Variants in AGFG1 observed in about 807,000 individuals in gnomAD.
AGFG1 encodes the protein arf-GAP domain and FG repeat-containing protein 1.
A neutral mutation model predicts 60.6 loss-of-function variants in AGFG1; 10 were observed. The observed-to-expected ratio is 0.16, with a 90% CI of 0.10 to 0.28. AGFG1 has a LOEUF of 0.28. Among genes scored for constraint, AGFG1 ranks in the 10% least tolerant of loss-of-function variants. The probability of loss-of-function intolerance (pLI) is 1.00; values close to 1 mark genes in which losing one functional copy is unlikely to be tolerated. For synonymous variants in AGFG1, 247 were observed against 242.9 expected (o/e 1.02, Z -0.16); for missense variants, 537 against 676.5 (o/e 0.79, Z 2.29).
At chr2:227,510,280 C>A (rs1336518416) in intron 2 of AGFG1, among the ~76,000 whole-genome samples, 8 of 151,986 alleles carry the variant, frequency 5.3e-5, no homozygotes, top group Non-Finnish European at 8.8e-5. Context: ...GCACACACAT[C>A]CACACCCCTG....
rs11904818 is a variant in AGFG1, at chr2:227,529,342, A to T, written c.695-1749A>T. 3.6e-3 allele frequency among the ~76,000 whole-genome samples: 553 copies of T among 152,080 alleles called. 1 individual carries two copies. The highest frequency in any genetic ancestry group is 0.012 in the African/African-American group (516 of 41,484). ...TCATCCTGATATTCTTGTTAATTTT[A>T]AAAAAAATTAGGTGAAAATTTTATC... is the stretch of plus-strand genomic sequence containing the variant. On this transcript the variant is annotated intron_variant, in intron 5 of 12. Transcript: ENST00000310078.
intron 2 of AGFG1, among the ~76,000 whole-genome samples, chr2:227,515,489 A>G (rs553620026): frequency 6.3e-4 from 96 of 152,148 alleles, no homozygotes; most frequent in African/African-American, 2.0e-3. Flanking sequence ...CAGCATCTCT[A>G]TTCCTTCATT....
intron 2 of AGFG1, among the ~76,000 whole-genome samples, chr2:227,514,485 C>T (rs1345055935): frequency 6.6e-6 from 1 of 152,090 alleles, no homozygotes; most frequent in Non-Finnish European, 1.5e-5. Context: ...TGAGCCACTG[C>T]ACCTGGCCAA....
At chr2:227,483,878 G>A (rs1340238965) in intron 1 of AGFG1, among the ~76,000 whole-genome samples, 1 of 151,934 alleles carries the variant, frequency 6.6e-6, no homozygotes, top group African/African-American at 2.4e-5. Flanking sequence ...AGTTTTTTTG[G>A]TTTTGTTTTG....
At chr2:227,529,893 T>A (rs76109197) in intron 5 of AGFG1, among the ~76,000 whole-genome samples, 1 of 151,998 alleles carries the variant, frequency 6.6e-6, no homozygotes, top group South Asian at 2.1e-4. Context: ...TTTTTTTTTT[T>A]AATAAGAGAA....
intron 1 of AGFG1, among the ~76,000 whole-genome samples, chr2:227,475,485 G>A (rs1009810125): frequency 6.6e-6 from 1 of 152,138 alleles, no homozygotes; most frequent in Admixed American, 6.5e-5. Flanking sequence ...AACGTTGGAG[G>A]GACAATAGCT....
In AGFG1 at chr2:227,490,577, C is replaced by CAA. The variant is rs11448281; in HGVS notation, c.168-954_168-953dup. Among the ~76,000 whole-genome samples the CAA allele has an allele frequency of 6.1e-3, 796 of 129,858 alleles. 5 individuals carry two copies. The highest frequency in any genetic ancestry group is 0.012 in the Admixed American group (156 of 13,238). The allele number at this position is 129,858 out of a possible 152,430, so 85.2% of individuals were successfully genotyped here. On this transcript the variant is annotated intron_variant, in intron 1 of 12. Transcript: ENST00000310078. Reference sequence around the variant, plus strand: ...TGGGCGACAGAGCGAGACTCCGTCTCAAAAAAAAAAAAAAAAATTACTGCA... The same window carrying CAA: ...TGGGCGACAGAGCGAGACTCCGTCTCAAAAAAAAAAAAAAAAAAATTACTGCA...
At chr2:227,473,545 C>T (rs780295965) in intron 1 of AGFG1, among the ~76,000 whole-genome samples, 54 of 152,142 alleles carry the variant, frequency 3.5e-4, no homozygotes, top group Non-Finnish European at 6.5e-4. Context: ...TTGTTCTTTG[C>T]TTCATTAAGC....
At position 227,517,147 on chromosome 2, in the gene AGFG1, A is replaced by G. The variant is rs74940135; in HGVS notation, c.262-2801A>G. Among the ~76,000 whole-genome samples the G allele has an allele frequency of 9.5e-4, 144 of 152,318 alleles. 1 individual carries two copies. The East Asian group carries it at 0.022, about 23-fold the overall frequency. ...ATGTCTGTACTTCTCAGGCGTTGCC[A>G]GTGAAATGTTTTCATAATGGATTGT... On this transcript the variant is annotated intron_variant, in intron 2 of 12. Coordinates refer to ENST00000310078, the MANE Select transcript of AGFG1 (RefSeq NM_004504.5).
intron 10 of AGFG1, among the ~76,000 whole-genome samples, chr2:227,548,895 C>A (rs1042723655): frequency 6.6e-6 from 1 of 152,182 alleles, no homozygotes; most frequent in African/African-American, 2.4e-5. Flanking sequence ...CGAGATCACA[C>A]CACTGCACTC....
intron 10 of AGFG1, chr2:227,550,209 T>C: frequency 3.3e-6 from 1 of 300,554 alleles, no homozygotes; most frequent in South Asian, 2.9e-5. Context: ...AATTAAGTTT[T>C]TTTCCATGTT....
At chr2:227,549,723 T>C (rs953593225) in intron 10 of AGFG1, among the ~76,000 whole-genome samples, 7 of 152,244 alleles carry the variant, frequency 4.6e-5, no homozygotes, top group Admixed American at 4.6e-4. Context: ...ATAGCGTATT[T>C]AGATGTAGCT....
At chr2:227,493,560 G>A (rs189728028) in intron 2 of AGFG1, among the ~76,000 whole-genome samples, 2 of 152,194 alleles carry the variant, frequency 1.3e-5, no homozygotes, top group East Asian at 1.9e-4. Flanking sequence ...TAATTTTTAG[G>A]AACTCACTGT....
chr2:227,521,712 A>G (rs369275696), intron 3 of AGFG1, among the ~76,000 whole-genome samples: 12 of 152,224 alleles, frequency 7.9e-5, no homozygotes, highest in African/African-American at 2.9e-4. Context: ...GTTTATGGTC[A>G]GCTCTAGCTA....
chr2:227,539,972 A>G (rs977032428), intron 10 of AGFG1, among the ~76,000 whole-genome samples: 3 of 151,896 alleles, frequency 2.0e-5, no homozygotes, highest in Non-Finnish European at 4.4e-5. Flanking sequence ...AGTAGCTGGG[A>G]TTACAGGTGC....
intron 11 of AGFG1, 121 bp from the exon 12 acceptor site, chr2:227,553,583 C>A: frequency 4.1e-6 from 3 of 730,690 alleles, no homozygotes; most frequent in South Asian, 2.0e-5. Flanking sequence ...AACAACTTAA[C>A]TTTAACATTT....
intron 2 of AGFG1, among the ~76,000 whole-genome samples, chr2:227,498,165 AG>A (rs1435349169): frequency 6.6e-6 from 1 of 151,984 alleles, no homozygotes; most frequent in Non-Finnish European, 1.5e-5. Flanking sequence ...TTTTTTCCCC[AG>A]GTTTGGTAAC....
At chr2:227,474,182 A>G (rs748672401) in intron 1 of AGFG1, among the ~76,000 whole-genome samples, 2 of 152,206 alleles carry the variant, frequency 1.3e-5, no homozygotes, top group Non-Finnish European at 2.9e-5. Flanking sequence ...TTAAGCTAGA[A>G]AGTTGTTACT....
chr2:227,489,598 A>T (rs1249577636), intron 1 of AGFG1, among the ~76,000 whole-genome samples: 1 of 152,120 alleles, frequency 6.6e-6, no homozygotes, highest in Non-Finnish European at 1.5e-5. Flanking sequence ...CTATTTTATG[A>T]CAACAGAAGG....
Sources: gnomAD v4.1 joint callset for allele counts (sites outside exome capture counted in the v4.1 genomes callset) on GRCh38, gnomAD v4.1.1 for gene constraint, MANE v1.5 for transcripts, NCBI Gene and HGNC (gene_info 2026-07-23, HGNC 2026-07-21) for gene names.